LRRIQ1: variants seen among roughly 807,000 people sequenced by gnomAD.
The protein encoded by LRRIQ1 is leucine rich repeats and IQ motif containing 1.
In LRRIQ1, 210 loss-of-function variants were observed where a neutral mutation model predicts 211.9. That is an observed-to-expected ratio of 0.99 (90% confidence interval 0.89 to 1.11). LRRIQ1 has a LOEUF of 1.11. Ranked by LOEUF, LRRIQ1 falls within the 50% of genes most tolerant of loss-of-function variation. The pLI is 0.00. For synonymous variants in LRRIQ1, 699 were observed against 650.1 expected, an observed-to-expected ratio of 1.08 and a Z score of -1.14; for missense variants, 2,136 against 1,939.5, an observed-to-expected ratio of 1.10 and a Z score of -1.90.
intron 23 of LRRIQ1, among the ~76,000 whole-genome samples, chr12:85,160,163 T>G (rs1890786134): frequency 1.3e-5 from 2 of 152,082 alleles, no homozygotes; most frequent in Admixed American, 1.3e-4. Flanking sequence ...TCACAATCTA[T>G]TTTTTGTAAT....
In LRRIQ1 at chr12:85,160,946, ATT is replaced by A. The variant is rs770892260; in HGVS notation, c.4822+238_4822+239del. Reference sequence around the variant, plus strand: ...TGTATCAATGTTTACATAAATTTTAATTTTTTTATTTATATATGAACGTTTTA... The same window carrying A: ...TGTATCAATGTTTACATAAATTTTAATTTTTATTTATATATGAACGTTTTA... On this transcript the variant is annotated intron_variant, in intron 24 of 26. Transcript: ENST00000393217. Among the ~76,000 whole-genome samples the A allele has an allele frequency of 2.6e-5, 4 of 152,054 alleles. No individual in the cohort carries two copies. In the South Asian group the frequency reaches 8.3e-4, roughly 32 times the overall value.
chr12:85,038,160 C>A lies in LRRIQ1; in HGVS notation c.-17C>A. On this transcript the variant is annotated 5_prime_UTR_variant, in exon 2 of 27. The change creates a premature stop within an existing upstream ORF in the 5' untranslated region. Transcript: ENST00000393217. ...CTTCATTTTTTAAAGCAGTTCTGTG[C>A]TTTATTATGAAGAATAATGGACGAT... is the stretch of plus-strand genomic sequence containing the variant. 3.3e-6 allele frequency: 5 copies of A among 1,496,608 alleles called. No individual in the cohort carries two copies. Among genetic ancestry groups the A allele is most frequent in the Non-Finnish European group, 4.5e-6 (5 of 1,117,888 alleles). The allele number at this position is 1,496,608 out of a possible 1,614,324, so 92.7% of individuals were successfully genotyped here. A position where few individuals can be genotyped will look rare whatever the true frequency, so the allele number is the denominator to read the frequency against.
chr12:85,212,384 T>G (rs892902172), intron 24 of LRRIQ1, among the ~76,000 whole-genome samples: 1 of 152,086 alleles, frequency 6.6e-6, no homozygotes. Flanking sequence ...AGAAAGGCAC[T>G]ATGGGTTTAT....
At chr12:85,262,195 A>G (rs939134689) in intron 1 of LRRIQ1, among the ~76,000 whole-genome samples, 4 of 152,166 alleles carry the variant, frequency 2.6e-5, no homozygotes. Flanking sequence ...TTAACCTCTC[A>G]AAGTTTTTAT....
chr12:85,217,660 ATGTATATATG>A (rs1162687931), intron 24 of LRRIQ1, among the ~76,000 whole-genome samples: 4 of 133,566 alleles, frequency 3.0e-5, no homozygotes, highest in Non-Finnish European at 6.0e-5. Flanking sequence ...ATATGTATAT[ATGTATATATG>A]TGTATATATG....
rs778415975 is a variant in LRRIQ1, at chr12:85,154,058, C to G, written c.4684C>G (p.Gln1562Glu). 1.4e-5 allele frequency: 22 copies of G among 1,567,538 alleles called. No individual in the cohort carries two copies. Among genetic ancestry groups the G allele is most frequent in the Non-Finnish European group, 1.8e-5 (21 of 1,156,188 alleles). ...STAQQMLKRA[Q>E]KMKSKKLKKK... ...TGCTCAGCAAATGTTGAAGAGGGCA[C>G]AGAAAATGAAATCGAAGAAACTAAA... The change falls in exon 23 of 27, where the codon CAG becomes GAG. Residue 1562 changes from glutamine to glutamate, a missense_variant. By Grantham distance (29) the Gln-to-Glu change is conservative. Transcript: ENST00000393217.
chr12:85,079,242 A>ATTT (rs1884008220), intron 11 of LRRIQ1, among the ~76,000 whole-genome samples: 1 of 132,020 alleles, frequency 7.6e-6, no homozygotes, highest in African/African-American at 3.0e-5. Context: ...ATGTATCTTT[A>ATTT]TCTTTTTTTT....
intron 24 of LRRIQ1, among the ~76,000 whole-genome samples, chr12:85,169,308 C>T (rs1437024844): frequency 6.6e-6 from 1 of 151,920 alleles, no homozygotes; most frequent in African/African-American, 2.4e-5. Context: ...GAGAAAGAGT[C>T]AGTAACAAAA....
intron 19 of LRRIQ1, among the ~76,000 whole-genome samples, chr12:85,146,391 T>C (rs1008566830): frequency 1.3e-5 from 2 of 151,772 alleles, no homozygotes; most frequent in Admixed American, 1.3e-4. Context: ...CCTGCTGTCT[T>C]GATGGATTTC....
intron 24 of LRRIQ1, among the ~76,000 whole-genome samples, chr12:85,215,896 G>C (rs1894056227): frequency 6.6e-6 from 1 of 152,098 alleles, no homozygotes; most frequent in Non-Finnish European, 1.5e-5. Context: ...TCTATGTATA[G>C]TTCAAAAGCA....
At chr12:85,119,462 T>C (rs1279733541) in intron 15 of LRRIQ1, among the ~76,000 whole-genome samples, 1 of 152,198 alleles carries the variant, frequency 6.6e-6, no homozygotes, top group African/African-American at 2.4e-5. Context: ...ATAAAGCTGC[T>C]ATAAACATCT....
chr12:85,140,744 A>T (rs1188289852), intron 19 of LRRIQ1, among the ~76,000 whole-genome samples: 1 of 151,204 alleles, frequency 6.6e-6, no homozygotes, highest in Non-Finnish European at 1.5e-5. Context: ...GAAACTCTGT[A>T]TGGTTTAAGG....
chr12:85,082,977 A>G (rs915389744), intron 11 of LRRIQ1, among the ~76,000 whole-genome samples: 2 of 152,152 alleles, frequency 1.3e-5, no homozygotes, highest in African/African-American at 4.8e-5. Context: ...TATCTGAGCA[A>G]ATCTGAGCTA....
chr12:85,126,765 A>G (rs1189574058), intron 17 of LRRIQ1, among the ~76,000 whole-genome samples: 2 of 152,156 alleles, frequency 1.3e-5, no homozygotes, highest in Non-Finnish European at 2.9e-5. Context: ...ACCGATAATA[A>G]GCCAAAACAA....
intron 24 of LRRIQ1, among the ~76,000 whole-genome samples, chr12:85,214,392 C>T (rs1194422167): frequency 6.6e-6 from 1 of 151,994 alleles, no homozygotes; most frequent in Admixed American, 6.6e-5. Flanking sequence ...CACAAATAGC[C>T]AATTACACTC....
At chr12:85,213,440 C>T (rs1052954766) in intron 24 of LRRIQ1, among the ~76,000 whole-genome samples, 7 of 151,842 alleles carry the variant, frequency 4.6e-5, no homozygotes, top group African/African-American at 1.7e-4. Context: ...GACATCTATA[C>T]TCAAAAAATC....
intron 11 of LRRIQ1, among the ~76,000 whole-genome samples, chr12:85,082,267 TA>T (rs1315838096): frequency 6.6e-6 from 1 of 152,196 alleles, no homozygotes; most frequent in Non-Finnish European, 1.5e-5. Context: ...CCAATGCAGT[TA>T]AGAATGCTAT....
intron 24 of LRRIQ1, among the ~76,000 whole-genome samples, chr12:85,203,348 G>A (rs980057102): frequency 2.6e-5 from 4 of 152,158 alleles, no homozygotes; most frequent in African/African-American, 9.7e-5. Context: ...TCAGCAGTGT[G>A]AAAATGGACT....
chr12:85,182,577 T>C (rs1323067080), intron 24 of LRRIQ1, among the ~76,000 whole-genome samples: 1 of 152,140 alleles, frequency 6.6e-6, no homozygotes, highest in Non-Finnish European at 1.5e-5. Context: ...AATTATATCA[T>C]AAAAGAGAAA....
Sources: gnomAD v4.1 joint callset for allele counts (sites outside exome capture counted in the v4.1 genomes callset) on GRCh38, gnomAD v4.1.1 for gene constraint, MANE v1.5 for transcripts, NCBI Gene and HGNC (gene_info 2026-07-23, HGNC 2026-07-21) for gene names.